Variants in ZDHHC20 observed in about 807,000 individuals in gnomAD.
ZDHHC20 encodes the protein zDHHC palmitoyltransferase 20.
In ZDHHC20, 43 loss-of-function variants were observed where a neutral mutation model predicts 57.8. The observed-to-expected ratio is 0.74, with a 90% CI of 0.58 to 0.96. The LOEUF (loss-of-function observed/expected upper bound fraction) is 0.96. ZDHHC20 is among the 40% of genes least tolerant of loss of function. ZDHHC20 has a pLI of 0.00. For synonymous variants in ZDHHC20, 157 were observed against 153.0 expected, an observed-to-expected ratio of 1.03 and a Z score of -0.19; for missense variants, 391 against 441.1, an observed-to-expected ratio of 0.89 and a Z score of 1.02.
chr13:21,412,967 C>CAAAAAAAAAAAAA (rs60707653), intron 4 of ZDHHC20, among the ~76,000 whole-genome samples: 1 of 67,100 alleles, frequency 1.5e-5, no homozygotes, highest in African/African-American at 6.2e-5. Flanking sequence ...GACTCCGTCT[C>CAAAAAAAAAAAAA]AAAAAAAAAA....
At chr13:21,377,643 T>C (rs57517902) in intron 12 of ZDHHC20, 11,739 of 93,618 alleles carry the variant, frequency 0.13, 199 homozygotes, top group South Asian at 0.16. Flanking sequence ...CTAGTGCCTG[T>C]GATCTGACTC....
In ZDHHC20 at chr13:21,400,508, A is replaced by G. The variant is rs1877469172; in HGVS notation, c.474-15T>C. The G allele has an allele frequency of 2.0e-6, 3 of 1,530,610 alleles. No individual in the cohort carries two copies. Among genetic ancestry groups the G allele is most frequent in the Non-Finnish European group, 2.6e-6 (3 of 1,141,312 alleles). 94.8% of individuals were successfully genotyped at this position (1,530,610 alleles called of 1,614,324 possible). A position where few individuals can be genotyped will look rare whatever the true frequency, so the allele number is the denominator to read the frequency against. ...AGTTATTCACCCTGGAAAAATAAAG[A>G]AAGCCACATTATAAAAGTAAGACAA... On this transcript the variant is annotated splice_polypyrimidine_tract_variant and intron_variant, in intron 6 of 12. Transcript: ENST00000400590.
chr13:21,450,487 AAT>A (rs888847944), intron 1 of ZDHHC20, among the ~76,000 whole-genome samples: 3 of 152,118 alleles, frequency 2.0e-5, no homozygotes, highest in African/African-American at 7.2e-5. Flanking sequence ...TGGGTTTTTA[AAT>A]ATATATATTT....
intron 8 of ZDHHC20, among the ~76,000 whole-genome samples, chr13:21,389,805 T>C (rs759625697): frequency 3.1e-4 from 47 of 152,192 alleles, no homozygotes; most frequent in African/African-American, 8.9e-4. Flanking sequence ...TACCACTAGA[T>C]TGATCAGTTT....
chr13:21,391,732 T>C lies in ZDHHC20; in HGVS notation c.717A>G (p.Arg239=). The C allele has an allele frequency of 1.2e-6, 2 of 1,608,874 alleles. No homozygotes were observed. The highest frequency in any genetic ancestry group is 2.7e-5 in the African/African-American group (2 of 74,740). The stretch of plus-strand genomic sequence containing the variant: ...TTTTAACCTACTTACCTATTGTTGT[T>C]CTATTTTTTCCAACTAGCCAGCAGT... ...SYHCWLVGKN[R]TTIESFRAPT... is the part of the protein sequence containing the mutation. The change falls in exon 8 of 13, where the codon AGA becomes AGG. Residue 239 remains arginine (R), a synonymous_variant. Coordinates refer to ENST00000400590, the MANE Select transcript of ZDHHC20 (RefSeq NM_001330059.2).
Position 21,457,850 on chromosome 13 carries a change from T to C in ZDHHC20, c.118+1204A>G, listed in dbSNP as rs537703641. 1.3e-4 allele frequency among the ~76,000 whole-genome samples: 20 copies of C among 152,364 alleles called. No individual in the cohort carries two copies. The South Asian group carries it at 3.9e-3, about 30-fold the overall frequency. ...TCTTCTCATTCATAACATTAGTTTC[T>C]AGCTGATGTGGTTCGTTATTCAAAG... On this transcript the variant is annotated intron_variant, in intron 1 of 12. Transcript: ENST00000400590.
intron 4 of ZDHHC20, among the ~76,000 whole-genome samples, chr13:21,408,215 T>C (rs545002988): frequency 3.3e-5 from 5 of 152,332 alleles, no homozygotes; most frequent in African/African-American, 1.2e-4. Flanking sequence ...TTGGGCAGCA[T>C]GGCCATTTTC....
intron 5 of ZDHHC20, among the ~76,000 whole-genome samples, 183 bp from the exon 6 acceptor site, chr13:21,401,868 A>G (rs1445494126): frequency 1.3e-5 from 2 of 152,224 alleles, no homozygotes; most frequent in African/African-American, 4.8e-5. Context: ...GTAAAAAGTC[A>G]TGATTTTTAT....
At chr13:21,411,770 T>C (rs1417510938) in intron 4 of ZDHHC20, among the ~76,000 whole-genome samples, 1 of 152,196 alleles carries the variant, frequency 6.6e-6, no homozygotes, top group Non-Finnish European at 1.5e-5. Flanking sequence ...AGAGCTGAGT[T>C]TGTGTGAGGG....
At chr13:21,390,928 T>C (rs1224722428) in intron 8 of ZDHHC20, among the ~76,000 whole-genome samples, 1 of 151,808 alleles carries the variant, frequency 6.6e-6, no homozygotes, top group Non-Finnish European at 1.5e-5. Flanking sequence ...AGAATATACA[T>C]GAAATACATT....
At chr13:21,425,787 T>C (rs1297936866) in intron 1 of ZDHHC20, 109 bp from the exon 2 acceptor site, 5 of 755,908 alleles carry the variant, frequency 6.6e-6, no homozygotes, top group African/African-American at 5.6e-5. Context: ...AAATAAACTT[T>C]AGTTATAAAT....
At chr13:21,401,617 C>T (rs1365374059) in intron 6 of ZDHHC20, 36 bp downstream of exon 6, 2 of 1,526,404 alleles carry the variant, frequency 1.3e-6, no homozygotes, top group East Asian at 2.4e-5. Context: ...CTCTCTCTCA[C>T]CACCAATGCA....
chr13:21,420,200 T>A (rs551652483), intron 3 of ZDHHC20, among the ~76,000 whole-genome samples: 3 of 152,162 alleles, frequency 2.0e-5, no homozygotes, highest in African/African-American at 4.8e-5. Flanking sequence ...GGCAGGAGAA[T>A]CGCTTGAACC....
In ZDHHC20 at chr13:21,374,621, T is replaced by C. The variant is rs145101500; in HGVS notation, c.*2075A>G. ...AACAAAGGTAGAAGAATCCATACTA[T>C]AATATCCCAAATTATGTTTTCAAAG... On this transcript the variant is annotated 3_prime_UTR_variant, in exon 13 of 13. Coordinates refer to ENST00000400590, the MANE Select transcript of ZDHHC20 (RefSeq NM_001330059.2). 212 of 246,284 alleles carry C rather than the reference T, an allele frequency of 8.6e-4. 2 individuals are homozygous for C. In the East Asian group the frequency reaches 0.018, roughly 20 times the overall value. The allele number at this position is 246,284 out of a possible 1,614,324, so 15.3% of individuals were successfully genotyped here.
At chr13:21,426,134 G>GT (rs1224887370) in intron 1 of ZDHHC20, among the ~76,000 whole-genome samples, 8 of 152,240 alleles carry the variant, frequency 5.3e-5, no homozygotes, top group African/African-American at 1.9e-4. Flanking sequence ...AATTTTTAGT[G>GT]TTTTTTTCCT....
At chr13:21,453,616 T>C (rs1441033323) in intron 1 of ZDHHC20, among the ~76,000 whole-genome samples, 1 of 152,168 alleles carries the variant, frequency 6.6e-6, no homozygotes, top group African/African-American at 2.4e-5. Context: ...ATTTAAGTCA[T>C]ACAAAGTATG....
chr13:21,425,357 T>C (rs1881131073), intron 2 of ZDHHC20, among the ~76,000 whole-genome samples: 1 of 152,092 alleles, frequency 6.6e-6, no homozygotes, highest in South Asian at 2.1e-4. Context: ...TAAAAAGTTT[T>C]GAAGAACATA....
intron 7 of ZDHHC20, among the ~76,000 whole-genome samples, chr13:21,398,191 G>A (rs1283382436): frequency 2.0e-5 from 3 of 152,088 alleles, no homozygotes; most frequent in East Asian, 3.9e-4. Flanking sequence ...CAGGTTGGGC[G>A]CGGTGGCTCA....
chr13:21,421,811 A>G (rs927996111), intron 2 of ZDHHC20, among the ~76,000 whole-genome samples: 15 of 152,324 alleles, frequency 9.8e-5, no homozygotes, highest in Admixed American at 9.1e-4. Context: ...TTAAGAAGCA[A>G]GAACTATCTA....
Sources: gnomAD v4.1 joint callset for allele counts (sites outside exome capture counted in the v4.1 genomes callset) on GRCh38, gnomAD v4.1.1 for gene constraint, MANE v1.5 for transcripts, NCBI Gene and HGNC (gene_info 2026-07-23, HGNC 2026-07-21) for gene names.